Variants in KCTD20 observed in about 807,000 individuals in gnomAD.
KCTD20 encodes potassium channel tetramerization domain containing 20.
Under a neutral mutation model 39.6 loss-of-function variants are expected in KCTD20, and 30 were observed. The ratio of observed to expected loss-of-function variants is 0.76; its 90% CI spans 0.57 to 1.03. The LOEUF (loss-of-function observed/expected upper bound fraction) is 1.03, where lower values mean the gene tolerates loss of function less well. Ranked by LOEUF, KCTD20 falls within the 50% of genes least tolerant of loss-of-function variation. The pLI, the probability that KCTD20 is intolerant of heterozygous loss-of-function variation, is 0.00. For missense variants in KCTD20, 422 were observed against 522.0 expected (o/e 0.81, Z 1.87); for synonymous variants, 162 against 180.6 (o/e 0.90, Z 0.83).
chr6:36,483,964 T>C (rs1326250756), intron 6 of KCTD20, among the ~76,000 whole-genome samples: 1 of 145,258 alleles, frequency 6.9e-6, no homozygotes, highest in Admixed American at 6.9e-5. Flanking sequence ...TTTGAGATGG[T>C]GTCTCCCTTC....
Position 36,470,078 on chromosome 6 carries a change from T to A in KCTD20, c.-20T>A. The A allele has an allele frequency of 6.2e-7, 1 of 1,607,232 alleles. No homozygotes were observed. The highest frequency in any genetic ancestry group is 8.5e-7 in the Non-Finnish European group (1 of 1,175,400). On this transcript the variant is annotated 5_prime_UTR_variant, in exon 2 of 8. Transcript: ENST00000373731. The stretch of plus-strand genomic sequence containing the variant: ...ATTTCTCTCTGATCAAACGGACAGT[T>A]CAGGACTCAGAATCTAAGGATGAAT...
intron 1 of KCTD20, among the ~76,000 whole-genome samples, chr6:36,464,861 A>G (rs1160803939): frequency 1.3e-5 from 2 of 152,166 alleles, no homozygotes; most frequent in East Asian, 3.8e-4. Context: ...AAGTTTGATT[A>G]TGGGATATGG....
chr6:36,473,556 A>C, intron 2 of KCTD20, among the ~76,000 whole-genome samples: 1 of 151,856 alleles, frequency 6.6e-6, no homozygotes, highest in East Asian at 2.0e-4. Flanking sequence ...GCGGATCACG[A>C]GATCAGGAGA....
intron 6 of KCTD20, among the ~76,000 whole-genome samples, chr6:36,484,180 C>T (rs1295123546): frequency 6.6e-6 from 1 of 152,166 alleles, no homozygotes; most frequent in African/African-American, 2.4e-5. Flanking sequence ...AACTGATCTG[C>T]CTGCCTCGGC....
chr6:36,480,116 A>G (rs917815698), intron 5 of KCTD20, among the ~76,000 whole-genome samples: 20 of 152,158 alleles, frequency 1.3e-4, no homozygotes, highest in African/African-American at 4.8e-4. Flanking sequence ...TACTAAACAG[A>G]AGGAGTTTCA....
intron 1 of KCTD20, among the ~76,000 whole-genome samples, chr6:36,456,695 T>C (rs989270900): frequency 2.6e-5 from 4 of 151,090 alleles, no homozygotes; most frequent in African/African-American, 9.7e-5. Flanking sequence ...TCAAATGACC[T>C]TCCTGCCTCA....
At chr6:36,465,184 TACTC>T (rs915494493) in intron 1 of KCTD20, among the ~76,000 whole-genome samples, 9 of 151,636 alleles carry the variant, frequency 5.9e-5, no homozygotes, top group African/African-American at 1.9e-4. Context: ...TAATCCCAGT[TACTC>T]AGGAGGCTGA....
chr6:36,474,233 C>A (rs536958702), intron 2 of KCTD20, among the ~76,000 whole-genome samples: 1 of 123,574 alleles, frequency 8.1e-6, no homozygotes, highest in African/African-American at 3.1e-5. Flanking sequence ...CCTCCCCCCA[C>A]CCCACAACAG....
chr6:36,443,339 C>G (rs1233806559), intron 1 of KCTD20: 1 of 152,368 alleles, frequency 6.6e-6, no homozygotes, highest in Middle Eastern at 3.4e-3. Flanking sequence ...GTCTGGTGAT[C>G]CTGGGGAGGG....
At chr6:36,479,334 T>C in intron 4 of KCTD20, 111 bp downstream of exon 4, 1 of 818,152 alleles carries the variant, frequency 1.2e-6, no homozygotes, top group Non-Finnish European at 1.9e-6. Context: ...GGTTTCCAGT[T>C]GTTTCCTTTC....
chr6:36,450,381 G>A (rs1374835543), intron 1 of KCTD20, among the ~76,000 whole-genome samples: 1 of 151,440 alleles, frequency 6.6e-6, no homozygotes, highest in African/African-American at 2.4e-5. Flanking sequence ...CCAACTACTC[G>A]GGAGGCTGAG....
intron 2 of KCTD20, among the ~76,000 whole-genome samples, chr6:36,473,530 T>C (rs921847617): frequency 1.3e-5 from 2 of 151,902 alleles, no homozygotes; most frequent in Admixed American, 6.6e-5. Context: ...CCCAGCACTC[T>C]GGGAGGCCAA....
Position 36,485,488 on chromosome 6 carries a change from CTTTTTTTTTTT to C in KCTD20, c.967+678_967+688del, listed in dbSNP as rs34990483. 7.3e-3 allele frequency among the ~76,000 whole-genome samples: 712 copies of C among 97,126 alleles called. 8 individuals are homozygous for C. Among genetic ancestry groups the C allele is most frequent in the Middle Eastern group, 0.062 (10 of 162 alleles). 63.7% of individuals were successfully genotyped at this position (97,126 alleles called of 152,430 possible). On this transcript the variant is annotated intron_variant, in intron 7 of 7. Transcript: ENST00000373731. ...TTGGTCTCTCCTACGTGGAGTGGATCTTTTTTTTTTTTTTTTTTTTTTTTGAGATGGAGTCT... is the reference window on the plus strand; with the variant it reads ...TTGGTCTCTCCTACGTGGAGTGGATCTTTTTTTTTTTTTGAGATGGAGTCT...
intron 3 of KCTD20, among the ~76,000 whole-genome samples, chr6:36,475,978 T>G (rs1776050774): frequency 6.6e-6 from 1 of 152,228 alleles, no homozygotes; most frequent in Admixed American, 6.5e-5. Context: ...TTGCCCTCTT[T>G]ATTCTTCATG....
At position 36,487,089 on chromosome 6, in the gene KCTD20, T is replaced by C; in HGVS notation, c.1174T>C (p.Leu392=). 2 of 1,614,168 alleles carry C rather than the reference T, an allele frequency of 1.2e-6. No individual in the cohort carries two copies. Among genetic ancestry groups the C allele is most frequent in the South Asian group, 1.1e-5 (1 of 91,080 alleles). Residue 392 remains leucine (L), a synonymous_variant, in exon 8 of 8, where the codon TTA becomes CTA. Transcript: ENST00000373731. ...GDDVLEDQEI[L]MHHPPQVDEL... is the part of the protein sequence containing the mutation. ...TGATGTCTTGGAGGACCAGGAGATA[T>C]TAATGCATCACCCACCCCAAGTGGA...
At chr6:36,453,034 G>T (rs1161696067) in intron 1 of KCTD20, among the ~76,000 whole-genome samples, 4 of 130,980 alleles carry the variant, frequency 3.1e-5, no homozygotes, top group Non-Finnish European at 4.7e-5. Flanking sequence ...TGGATACAGG[G>T]TCTCACTCTG....
rs2273883 is a variant in KCTD20, at chr6:36,443,024, C to T, written c.-134C>T. 1 of 151,154 alleles carries T rather than the reference C, an allele frequency of 6.6e-6. No individual in the cohort carries two copies. Among genetic ancestry groups the T allele is most frequent in the Non-Finnish European group, 1.5e-5 (1 of 67,716 alleles). 9.4% of individuals were successfully genotyped at this position (151,154 alleles called of 1,614,324 possible). On this transcript the variant is annotated 5_prime_UTR_variant, in exon 1 of 8. Coordinates refer to ENST00000373731, the MANE Select transcript of KCTD20 (RefSeq NM_173562.5). Reference sequence around the variant, plus strand: ...CGCGCGCCGCTGCGGCACAGCCGGTCCCGGCTGCGGCTTCTGGCTGCGCGG... The same window carrying T: ...CGCGCGCCGCTGCGGCACAGCCGGTTCCGGCTGCGGCTTCTGGCTGCGCGG...
chr6:36,478,247 G>A (rs1197766456), intron 3 of KCTD20, among the ~76,000 whole-genome samples: 2 of 152,178 alleles, frequency 1.3e-5, no homozygotes, highest in African/African-American at 4.8e-5. Flanking sequence ...GTTGAAGATA[G>A]CAGCTGCCTG....
At chr6:36,479,247 C>T in intron 4 of KCTD20, 24 bp downstream of exon 4, 2 of 1,513,186 alleles carry the variant, frequency 1.3e-6, no homozygotes, top group Non-Finnish European at 1.8e-6. Context: ...TTTTTTGTTA[C>T]ATTCTCTTCC....
Sources: allele counts gnomAD v4.1 joint callset (sites outside exome capture counted in the v4.1 genomes callset), GRCh38; gene constraint gnomAD v4.1.1; transcripts MANE v1.5; gene names NCBI Gene and HGNC (gene_info 2026-07-23, HGNC 2026-07-21).